The following TSTD2 variants were observed in gnomAD, a reference collection of about 807,000 sequenced individuals.
TSTD2 encodes the protein thiosulfate sulfurtransferase/rhodanese-like domain-containing protein 2.
In TSTD2, 37 loss-of-function variants were observed where a neutral mutation model predicts 47.9. The ratio of observed to expected loss-of-function variants is 0.77; its 90% CI spans 0.59 to 1.02. The LOEUF is 1.02. Among genes scored for constraint, TSTD2 ranks in the 50% least tolerant of loss-of-function variants. The probability of loss-of-function intolerance (pLI) is 0.00; values close to 1 mark genes in which losing one functional copy is unlikely to be tolerated. For synonymous variants in TSTD2, 201 were observed against 215.9 expected, an observed-to-expected ratio of 0.93 and a Z score of 0.61; for missense variants, 586 against 616.0, an observed-to-expected ratio of 0.95 and a Z score of 0.52.
At chr9:97,614,278 T>C (rs1466891123) in intron 4 of TSTD2, among the ~76,000 whole-genome samples, 1 of 152,182 alleles carries the variant, frequency 6.6e-6, no homozygotes, top group Non-Finnish European at 1.5e-5. Context: ...CAGAGAATAT[T>C]TTAGGAAAAT....
intron 1 of TSTD2, among the ~76,000 whole-genome samples, chr9:97,631,802 C>T (rs1278122149): frequency 3.9e-5 from 6 of 152,112 alleles, no homozygotes; most frequent in African/African-American, 1.4e-4. Flanking sequence ...CAAGACCGTG[C>T]CACTGCACTC....
intron 1 of TSTD2, among the ~76,000 whole-genome samples, chr9:97,632,868 AAGG>A (rs1404882343): frequency 1.3e-5 from 2 of 152,220 alleles, no homozygotes; most frequent in Non-Finnish European, 2.9e-5. Context: ...GGTAAGACCG[AAGG>A]AGAATTAGGC....
At chr9:97,605,026 GCT>G in intron 8 of TSTD2, 161 bp from the exon 9 acceptor site, 1 of 907,132 alleles carries the variant, frequency 1.1e-6, no homozygotes, top group Non-Finnish European at 1.3e-6. Context: ...CTGAGGAATT[GCT>G]GACCAAGGGG....
intron 1 of TSTD2, among the ~76,000 whole-genome samples, chr9:97,632,626 C>A (rs1381486625): frequency 1.3e-5 from 2 of 151,908 alleles, no homozygotes; most frequent in Non-Finnish European, 2.9e-5. Flanking sequence ...TCAAGCGGAT[C>A]CGCCCGCGTC....
Position 97,610,430 on chromosome 9 carries a change from A to G in TSTD2, c.751T>C (p.Cys251Arg). 1.3e-6 allele frequency: 2 copies of G among 1,583,032 alleles called. No homozygotes were observed. The highest frequency in any genetic ancestry group is 1.7e-6 in the Non-Finnish European group (2 of 1,166,830). ...DFKTSKGGAH[C>R]FPELRVGVFE... ...ACACCAACACGCAATTCTGGAAAAC[A>G]GTGAGCTCCTCCTTTGCTGGTCTAG... is the stretch of plus-strand genomic sequence containing the variant. The change falls in exon 6 of 10, where the codon TGT becomes CGT. Residue 251 changes from cysteine (C) to arginine (R), a missense_variant. Physicochemically the swap from Cys to Arg is radical, Grantham distance 180. Transcript: ENST00000341170.
rs1034129850 is a variant in TSTD2, at chr9:97,608,098, T to G, written c.836-1837A>C. 4.0e-5 allele frequency among the ~76,000 whole-genome samples: 6 copies of G among 151,104 alleles called. No individual in the cohort carries two copies. In the East Asian group the frequency reaches 1.2e-3, roughly 30 times the overall value. On this transcript the variant is annotated intron_variant, in intron 6 of 9. Coordinates refer to ENST00000341170, the MANE Select transcript of TSTD2 (RefSeq NM_139246.5). ...CTCGGGAGGCTGAGGCAGGAGAATC[T>G]CTTGAACCCAGGAGGCAGAGGTTGC...
chr9:97,616,069 G>C (rs907364227), intron 4 of TSTD2, among the ~76,000 whole-genome samples: 2 of 152,074 alleles, frequency 1.3e-5, no homozygotes, highest in African/African-American at 4.8e-5. Context: ...TGACAGGAAA[G>C]GTCTCTTTGA....
intron 1 of TSTD2, among the ~76,000 whole-genome samples, chr9:97,628,726 T>C (rs946574915): frequency 6.6e-6 from 1 of 152,204 alleles, no homozygotes; most frequent in Non-Finnish European, 1.5e-5. Flanking sequence ...CAATGCTGTA[T>C]GACTGAGGTT....
Position 97,627,454 on chromosome 9 carries a change from G to C in TSTD2, c.109C>G (p.Leu37Val). ...GTACTGCCATCTAATTCTGCTTTAA[G>C]ACTGCTGCTGGGATTAATAAGACTC... is the stretch of plus-strand genomic sequence containing the variant. The part of the protein sequence containing the change: ...DMSLINPSSS[L>V]KAELDGSTKK... The change falls in exon 2 of 10, where the codon CTT (leucine) becomes GTT (valine). Residue 37 changes from leucine to valine, a missense_variant. By Grantham distance (32) the Leu-to-Val change is conservative. Coordinates refer to ENST00000341170, the MANE Select transcript of TSTD2 (RefSeq NM_139246.5). 1 of 1,612,166 alleles carries C rather than the reference G, an allele frequency of 6.2e-7. No homozygotes were observed.
Position 97,611,717 on chromosome 9 carries a change from G to A in TSTD2, c.604-18C>T. 3 of 1,593,138 alleles carry A rather than the reference G, an allele frequency of 1.9e-6. No homozygotes were observed. The highest frequency in any genetic ancestry group is 2.6e-6 in the Non-Finnish European group (3 of 1,163,100). ...ATTCGAATCTGAGACACAAGACGGT[G>A]AAAAAGAGAACAGATTGTTCTTAGC... On this transcript the variant is annotated intron_variant, in intron 4 of 9. Transcript: ENST00000341170.
chr9:97,617,362 A>G (rs1826561041), intron 4 of TSTD2, among the ~76,000 whole-genome samples: 1 of 152,250 alleles, frequency 6.6e-6, no homozygotes, highest in African/African-American at 2.4e-5. Context: ...TCCAATTAAT[A>G]TATCACAAAC....
At position 97,602,182 on chromosome 9, in the gene TSTD2, T is replaced by C. The variant is rs767130662; in HGVS notation, c.*287A>G. ...CCAGCTGCATGGAACAGAAAGGGCA[T>C]ATGCTGTGGCCACCAGGCTCAGGCT... On this transcript the variant is annotated 3_prime_UTR_variant, in exon 10 of 10. Coordinates refer to ENST00000341170, the MANE Select transcript of TSTD2 (RefSeq NM_139246.5). 1.8e-5 allele frequency: 7 copies of C among 384,672 alleles called. No homozygotes were observed. Among genetic ancestry groups the C allele is most frequent in the African/African-American group, 4.1e-5 (2 of 48,686 alleles). 23.8% of individuals were successfully genotyped at this position (384,672 alleles called of 1,614,324 possible). A position where few individuals can be genotyped will look rare whatever the true frequency, so the allele number is the denominator to read the frequency against.
At chr9:97,610,978 G>A (rs2131308836) in intron 5 of TSTD2, 1 of 152,598 alleles carries the variant, frequency 6.6e-6, no homozygotes, top group Middle Eastern at 3.4e-3. Flanking sequence ...TCCAAGATTT[G>A]GAGTCCCAGA....
rs1335148286 is a variant in TSTD2, at chr9:97,602,607, C to T, written c.1413G>A (p.Met471Ile). The T allele has an allele frequency of 6.2e-7, 1 of 1,614,106 alleles. No homozygotes were observed. Among genetic ancestry groups the T allele is most frequent in the African/African-American group, 1.3e-5 (1 of 74,926 alleles). ...DKGSRKVSGP[M>I]QDSFKEECEC... The stretch of plus-strand genomic sequence containing the variant: ...CGCATTCCTCTTTAAAGCTGTCTTG[C>T]ATAGGGCCTGAAACTTTCCTGCTCC... The change falls in exon 10 of 10, where the codon ATG (methionine) becomes ATA (isoleucine). Residue 471 changes from methionine to isoleucine, a missense_variant. Met to Ile is a conservative substitution (Grantham distance 10). Coordinates refer to ENST00000341170, the MANE Select transcript of TSTD2 (RefSeq NM_139246.5).
In TSTD2 at chr9:97,625,942, C is replaced by T. The variant is rs762373949; in HGVS notation, c.221G>A (p.Cys74Tyr). The change falls in exon 3 of 10, where the codon TGT (cysteine) becomes TAT (tyrosine). Residue 74 changes from cysteine (C) to tyrosine (Y), a missense_variant. Transcript: ENST00000341170. ...KEVPTKRSFECKEKLWKCCRQ... is the reference protein window; with the variant it reads ...KEVPTKRSFEYKEKLWKCCRQ... ...ACAGCATTTCCACAATTTTTCTTTA[C>T]ATTCAAAACTCCTTTTTGTTGGAAC... 3.7e-5 allele frequency: 59 copies of T among 1,613,584 alleles called. No homozygotes were observed. In the South Asian group the frequency reaches 6.3e-4, roughly 17 times the overall value.
At chr9:97,625,453 C>T (rs1445726269) in intron 3 of TSTD2, among the ~76,000 whole-genome samples, 1 of 152,138 alleles carries the variant, frequency 6.6e-6, no homozygotes, top group Non-Finnish European at 1.5e-5. Context: ...GAGTGGGCCA[C>T]AGGAACGATG....
intron 3 of TSTD2, among the ~76,000 whole-genome samples, chr9:97,624,272 T>C (rs1826684265): frequency 6.6e-6 from 1 of 152,212 alleles, no homozygotes. Flanking sequence ...GAAGTGTCTC[T>C]GTCTCTCACA....
rs1423358669 is a variant in TSTD2, at chr9:97,605,544, ACT to A, written c.1050_1051del (p.Arg350SerfsTer12). 3 of 1,614,052 alleles carry A rather than the reference ACT, an allele frequency of 1.9e-6. No individual in the cohort carries two copies. Among genetic ancestry groups the A allele is most frequent in the African/African-American group, 2.7e-5 (2 of 75,000 alleles). On this transcript the variant is annotated frameshift_variant, in exon 8 of 10. Coordinates refer to ENST00000341170, the MANE Select transcript of TSTD2 (RefSeq NM_139246.5). LOFTEE classifies it high-confidence loss of function. ...GATGCCCCCGGTACAGTACATCAGC[ACT>A]CTCTTCTCTCTGAAAAGTTCTAGAT...
At chr9:97,603,716 T>C (rs1826313126) in intron 9 of TSTD2, among the ~76,000 whole-genome samples, 1 of 152,184 alleles carries the variant, frequency 6.6e-6, no homozygotes, top group Non-Finnish European at 1.5e-5. Context: ...AAAAACTTTT[T>C]TGAGACAGGG....
Sources: allele counts gnomAD v4.1 joint callset (sites outside exome capture counted in the v4.1 genomes callset), GRCh38; gene constraint gnomAD v4.1.1; transcripts MANE v1.5; gene names NCBI Gene and HGNC (gene_info 2026-07-23, HGNC 2026-07-21).